HDAC4: variants seen among roughly 807,000 people sequenced by gnomAD.
HDAC4 encodes the protein histone deacetylase A.
HDAC4 carries 16 observed loss-of-function variants against 135.1 expected under a neutral mutation model. That is an observed-to-expected ratio of 0.12 (90% confidence interval 0.08 to 0.18). The LOEUF is 0.18. Ranked by LOEUF, HDAC4 falls within the 10% of genes least tolerant of loss-of-function variation. The pLI, the probability that HDAC4 is intolerant of heterozygous loss-of-function variation, is 1.00. For missense variants in HDAC4, 1,143 were observed against 1,511.8 expected, an observed-to-expected ratio of 0.76 and a Z score of 4.05; for synonymous variants, 685 against 653.4, an observed-to-expected ratio of 1.05 and a Z score of -0.74.
Position 239,087,960 on chromosome 2 carries a change from G to A in HDAC4, c.2389-346C>T, listed in dbSNP as rs139187192. Reference sequence around the variant, plus strand: ...TGTGGAAAGGATGTGCTCACTCCCCGTCGGCTCGGGACCAGGACCCGCTAG... The same window carrying A: ...TGTGGAAAGGATGTGCTCACTCCCCATCGGCTCGGGACCAGGACCCGCTAG... On this transcript the variant is annotated intron_variant, in intron 18 of 26. Transcript: ENST00000543185. Among the ~76,000 whole-genome samples, 121 of 152,308 alleles carry A rather than the reference G, an allele frequency of 7.9e-4. 1 individual carries two copies. Among genetic ancestry groups the A allele is most frequent in the African/African-American group, 2.8e-3 (118 of 41,562 alleles).
chr2:239,222,309 C>T (rs2047001501), intron 3 of HDAC4, among the ~76,000 whole-genome samples: 1 of 152,162 alleles, frequency 6.6e-6, no homozygotes, highest in Non-Finnish European at 1.5e-5. Context: ...TTTCCCTGCT[C>T]CCTATTTCAG....
intron 8 of HDAC4, among the ~76,000 whole-genome samples, chr2:239,143,851 T>C (rs1192079737): frequency 1.3e-5 from 2 of 152,244 alleles, no homozygotes; most frequent in Non-Finnish European, 2.9e-5. Context: ...CTTTCTGTTG[T>C]GCAAACATGT....
intron 7 of HDAC4, among the ~76,000 whole-genome samples, chr2:239,154,359 G>A (rs1575212792): frequency 6.6e-6 from 1 of 152,182 alleles, no homozygotes; most frequent in Admixed American, 6.5e-5. Flanking sequence ...CAGCCGTGAG[G>A]ATGTGGGTGT....
chr2:239,250,361 G>A (rs1328481310), intron 2 of HDAC4, among the ~76,000 whole-genome samples: 1 of 152,192 alleles, frequency 6.6e-6, no homozygotes, highest in Non-Finnish European at 1.5e-5. Flanking sequence ...CAGAGATCCC[G>A]GGGCCACCTG....
intron 24 of HDAC4, among the ~76,000 whole-genome samples, chr2:239,057,556 C>T (rs956148157): frequency 4.6e-5 from 7 of 152,216 alleles, no homozygotes; most frequent in Admixed American, 1.3e-4. Flanking sequence ...TAGCCACACA[C>T]CAACTCCTTA....
intron 3 of HDAC4, among the ~76,000 whole-genome samples, chr2:239,207,761 C>A (rs549585516): frequency 6.6e-6 from 1 of 152,106 alleles, no homozygotes; most frequent in African/African-American, 2.4e-5. Context: ...TTAAAGGCAG[C>A]GACAGCCACG....
intron 4 of HDAC4, 82 bp from the exon 5 acceptor site, chr2:239,176,645 G>A: frequency 3.0e-6 from 4 of 1,342,108 alleles, no homozygotes; most frequent in Non-Finnish European, 4.2e-6. Flanking sequence ...CAAGAAACCA[G>A]CCCAGGCCCT....
chr2:239,225,955 G>A (rs1022688107), intron 3 of HDAC4, among the ~76,000 whole-genome samples: 1 of 152,146 alleles, frequency 6.6e-6, no homozygotes, highest in African/African-American at 2.4e-5. Flanking sequence ...GTGTTGGTAC[G>A]GCGAAAACAT....
chr2:239,371,217 G>A (rs2126006417), intron 1 of HDAC4, among the ~76,000 whole-genome samples: 1 of 152,312 alleles, frequency 6.6e-6, no homozygotes, highest in Non-Finnish European at 1.5e-5. Flanking sequence ...CCAACAAGGA[G>A]TCCAACATAT....
chr2:239,224,326 C>T (rs937100652), intron 3 of HDAC4, among the ~76,000 whole-genome samples: 8 of 152,212 alleles, frequency 5.3e-5, no homozygotes, highest in Admixed American at 3.9e-4. Flanking sequence ...TCTCCCTGCT[C>T]CTCCGATGCC....
At chr2:239,159,486 CCA>C (rs1383825841) in intron 6 of HDAC4, among the ~76,000 whole-genome samples, 1 of 149,182 alleles carries the variant, frequency 6.7e-6, no homozygotes, top group Non-Finnish European at 1.5e-5. Flanking sequence ...CACACCCCAC[CCA>C]CACCCCACAC....
intron 22 of HDAC4, among the ~76,000 whole-genome samples, chr2:239,079,785 CAA>C (rs1012676086): frequency 3.0e-4 from 46 of 152,194 alleles, no homozygotes; most frequent in Non-Finnish European, 2.6e-4. Context: ...GACGTGCATG[CAA>C]AGACACACAA....
At chr2:239,164,632 A>G (rs1447223521) in intron 5 of HDAC4, among the ~76,000 whole-genome samples, 3 of 152,250 alleles carry the variant, frequency 2.0e-5, no homozygotes, top group African/African-American at 4.8e-5. Flanking sequence ...CTAACCACAC[A>G]GTACTTCTAT....
chr2:239,198,155 C>CTT, intron 3 of HDAC4, among the ~76,000 whole-genome samples: 1 of 152,278 alleles, frequency 6.6e-6, no homozygotes, highest in Non-Finnish European at 1.5e-5. Context: ...GACAAGTTTT[C>CTT]TTTTCCCTGT....
chr2:239,205,589 G>T (rs573816376), intron 3 of HDAC4, among the ~76,000 whole-genome samples: 84 of 152,230 alleles, frequency 5.5e-4, no homozygotes, highest in African/African-American at 2.0e-3. Flanking sequence ...AGAGAAAGGG[G>T]GAGGGAAGAA....
chr2:239,349,276 G>A lies in HDAC4; in HGVS notation c.22+3402C>T, dbSNP rs1047056585. Reference sequence around the variant, plus strand: ...GGGGAGGTGCAGCCAGGTAGGCCCCGAACACCACGTTGCCAGGACTCGGCT... The same window carrying A: ...GGGGAGGTGCAGCCAGGTAGGCCCCAAACACCACGTTGCCAGGACTCGGCT... On this transcript the variant is annotated intron_variant, in intron 2 of 26. Transcript: ENST00000543185. The surrounding 1 kb of genome is among the most constrained non-coding windows in gnomAD (Gnocchi z 5.7). 2.6e-5 allele frequency among the ~76,000 whole-genome samples: 4 copies of A among 152,160 alleles called. No individual in the cohort carries two copies. The highest frequency in any genetic ancestry group is 6.5e-5 in the Admixed American group (1 of 15,276).
chr2:239,305,766 G>A lies in HDAC4; in HGVS notation c.22+46912C>T, dbSNP rs542504431. 9.9e-5 allele frequency among the ~76,000 whole-genome samples: 15 copies of A among 152,170 alleles called. No homozygotes were observed. The South Asian group carries it at 2.7e-3, about 27-fold the overall frequency. ...CTGATGGCCACGAAACGTGTATTTC[G>A]AGTTGAAATACATTTATTTAACACA... On this transcript the variant is annotated intron_variant, in intron 2 of 26. Transcript: ENST00000543185.
intron 4 of HDAC4, among the ~76,000 whole-genome samples, chr2:239,184,459 G>A (rs1433039768): frequency 1.5e-5 from 2 of 137,312 alleles, no homozygotes; most frequent in East Asian, 4.7e-4. Flanking sequence ...TGCCCTATGA[G>A]GGGGGGTCCC....
intron 4 of HDAC4, among the ~76,000 whole-genome samples, chr2:239,188,549 T>C (rs1045094434): frequency 6.6e-6 from 1 of 152,220 alleles, no homozygotes; most frequent in Non-Finnish European, 1.5e-5. Context: ...AAGCACCAGG[T>C]TGCATACGGT....
Sources: gnomAD v4.1 joint callset for allele counts (sites outside exome capture counted in the v4.1 genomes callset) on GRCh38, gnomAD v4.1.1 for gene constraint, Gnocchi (gnomAD v3.1) non-coding constraint, MANE v1.5 for transcripts, NCBI Gene and HGNC (gene_info 2026-07-23, HGNC 2026-07-21) for gene names.